The following ZDHHC13 variants were observed in gnomAD, a reference collection of about 807,000 sequenced individuals.
The protein encoded by ZDHHC13 is palmitoyltransferase ZDHHC13.
In ZDHHC13, 85 loss-of-function variants were observed where a neutral mutation model predicts 86.0. The observed-to-expected ratio is 0.99, with a 90% confidence interval of 0.83 to 1.18. The LOEUF is 1.18. ZDHHC13 is among the 50% of genes most tolerant of loss of function. The probability of loss-of-function intolerance (pLI) is 0.00; values close to 1 mark genes in which losing one functional copy is unlikely to be tolerated. For missense variants in ZDHHC13, 711 were observed against 730.2 expected, an observed-to-expected ratio of 0.97 and a Z score of 0.30; for synonymous variants, 263 against 246.4, an observed-to-expected ratio of 1.07 and a Z score of -0.63.
rs568311064 is a variant in ZDHHC13 at position 19,159,622 on chromosome 11, C to T, written c.1108+582C>T. Reference sequence around the variant, plus strand: ...CTTTTTAAAAAATTTTAATCATGGCCCATTTAATTCTTTCATGACTCACTA... The same window carrying T: ...CTTTTTAAAAAATTTTAATCATGGCTCATTTAATTCTTTCATGACTCACTA... On this transcript the variant is annotated intron_variant, in intron 10 of 16. Coordinates refer to ENST00000446113, the MANE Select transcript of ZDHHC13 (RefSeq NM_019028.3). 9.7e-4 allele frequency among the ~76,000 whole-genome samples: 148 copies of T among 151,948 alleles called. 1 individual carries two copies. The highest frequency in any genetic ancestry group is 3.2e-3 in the Admixed American group (49 of 15,260).
At chr11:19,124,318 A>G (rs1565017842) in intron 1 of ZDHHC13, among the ~76,000 whole-genome samples, 1 of 152,152 alleles carries the variant, frequency 6.6e-6, no homozygotes, top group African/African-American at 2.4e-5. Context: ...ATGTATGTAT[A>G]TAGCACAATA....
At chr11:19,124,863 C>A (rs769677874) in intron 1 of ZDHHC13, among the ~76,000 whole-genome samples, 3 of 152,100 alleles carry the variant, frequency 2.0e-5, no homozygotes, top group Non-Finnish European at 4.4e-5. Context: ...ACCACCAAAT[C>A]AGTAGCTGAT....
intron 1 of ZDHHC13, among the ~76,000 whole-genome samples, chr11:19,140,943 C>G (rs1157094106): frequency 6.6e-6 from 1 of 150,418 alleles, no homozygotes; most frequent in East Asian, 2.0e-4. Flanking sequence ...GGAGGGATAG[C>G]ATTGGGAGAT....
Position 19,133,942 on chromosome 11 carries a change from T to TAC in ZDHHC13, c.28-9033_28-9032dup, listed in dbSNP as rs559585845. 1.0e-3 allele frequency among the ~76,000 whole-genome samples: 99 copies of TAC among 96,048 alleles called. 6 individuals carry two copies. Among genetic ancestry groups the TAC allele is most frequent in the African/African-American group, 2.8e-3 (84 of 29,572 alleles). The allele number at this position is 96,048 out of a possible 152,430, so 63.0% of individuals were successfully genotyped here. On this transcript the variant is annotated intron_variant, in intron 1 of 16. Coordinates refer to ENST00000446113, the MANE Select transcript of ZDHHC13 (RefSeq NM_019028.3). ...GTCCATATATATATATATATATATA[T>TAC]ACACGTATGTGTTTTATATACTTCA...
At chr11:19,173,619 G>A (rs766904495) in intron 16 of ZDHHC13, among the ~76,000 whole-genome samples, 1 of 152,216 alleles carries the variant, frequency 6.6e-6, no homozygotes, top group Non-Finnish European at 1.5e-5. Context: ...GTGTATTTAG[G>A]AGAGGAGAGA....
intron 9 of ZDHHC13, 94 bp from the exon 10 acceptor site, chr11:19,158,846 G>A: frequency 1.3e-6 from 1 of 795,016 alleles, no homozygotes; most frequent in Admixed American, 3.1e-5. Flanking sequence ...GTTGCTGCTG[G>A]TATTATTATT....
chr11:19,160,800 TC>T (rs1565038383), intron 10 of ZDHHC13, among the ~76,000 whole-genome samples: 1 of 151,836 alleles, frequency 6.6e-6, no homozygotes. Flanking sequence ...TAAACCTATT[TC>T]TTGGATGAGT....
In ZDHHC13 at chr11:19,127,683, C is replaced by A. The variant is rs114315595; in HGVS notation, c.27+10407C>A. 9.4e-3 allele frequency among the ~76,000 whole-genome samples: 1,429 copies of A among 152,212 alleles called. 27 individuals carry two copies. Among genetic ancestry groups the A allele is most frequent in the African/African-American group, 0.033 (1,358 of 41,526 alleles). ...TTCTGCATATGACTAGCCAGTAATCCCAGCACCATTTATTGAATAAGGAGG... is the reference window on the plus strand; with the variant it reads ...TTCTGCATATGACTAGCCAGTAATCACAGCACCATTTATTGAATAAGGAGG... On this transcript the variant is annotated intron_variant, in intron 1 of 16. Transcript: ENST00000446113.
At chr11:19,124,358 G>A (rs1848825118) in intron 1 of ZDHHC13, among the ~76,000 whole-genome samples, 1 of 152,106 alleles carries the variant, frequency 6.6e-6, no homozygotes, top group East Asian at 1.9e-4. Context: ...TATACATAAT[G>A]AGGGAAGATG....
chr11:19,150,612 C>G, intron 5 of ZDHHC13, 115 bp from the exon 6 acceptor site: 1 of 824,046 alleles, frequency 1.2e-6, no homozygotes, highest in Non-Finnish European at 1.9e-6. Context: ...ATATTTGAGC[C>G]CTTTATGTAG....
At chr11:19,122,844 A>G (rs1261748272) in intron 1 of ZDHHC13, among the ~76,000 whole-genome samples, 2 of 152,270 alleles carry the variant, frequency 1.3e-5, no homozygotes, top group Non-Finnish European at 2.9e-5. Flanking sequence ...GTCACTGCAT[A>G]TATGGCTTTG....
At chr11:19,169,427 A>G (rs1454360509) in intron 14 of ZDHHC13, 1 of 985,454 alleles carries the variant, frequency 1.0e-6, no homozygotes, top group Non-Finnish European at 1.2e-6. Flanking sequence ...AGAGAAAAGA[A>G]AAGTAGATTT....
At chr11:19,155,765 T>C in intron 8 of ZDHHC13, 31 bp from the exon 9 acceptor site, 1 of 1,602,274 alleles carries the variant, frequency 6.2e-7, no homozygotes, top group Non-Finnish European at 8.5e-7. Context: ...GTAAAATCCA[T>C]AAAGTTCTAA....
intron 9 of ZDHHC13, among the ~76,000 whole-genome samples, chr11:19,158,594 T>C (rs536202873): frequency 3.3e-5 from 5 of 152,172 alleles, no homozygotes; most frequent in African/African-American, 1.2e-4. Context: ...TAAAAATATA[T>C]GCCAAAAAAG....
At chr11:19,128,969 A>T (rs1029185117) in intron 1 of ZDHHC13, among the ~76,000 whole-genome samples, 1 of 152,246 alleles carries the variant, frequency 6.6e-6, no homozygotes, top group African/African-American at 2.4e-5. Flanking sequence ...GTGTAAATAC[A>T]CATTGTGATG....
chr11:19,137,890 T>A (rs1335305032), intron 1 of ZDHHC13, among the ~76,000 whole-genome samples: 1 of 151,630 alleles, frequency 6.6e-6, no homozygotes, highest in Non-Finnish European at 1.5e-5. Flanking sequence ...CATACCAGAA[T>A]CTCTGGGACG....
At chr11:19,174,140 C>T (rs1365281527) in intron 16 of ZDHHC13, among the ~76,000 whole-genome samples, 1 of 152,130 alleles carries the variant, frequency 6.6e-6, no homozygotes, top group East Asian at 1.9e-4. Context: ...TCTGATAACC[C>T]AACAGGCAGG....
chr11:19,160,658 A>G (rs1565038284), intron 10 of ZDHHC13, among the ~76,000 whole-genome samples: 1 of 151,874 alleles, frequency 6.6e-6, no homozygotes, highest in Non-Finnish European at 1.5e-5. Flanking sequence ...TCAAATTTGT[A>G]GAATCAAAGT....
chr11:19,165,593 C>T (rs961861786), intron 13 of ZDHHC13, among the ~76,000 whole-genome samples: 1 of 152,142 alleles, frequency 6.6e-6, no homozygotes, highest in African/African-American at 2.4e-5. Flanking sequence ...GAGAAGGCAG[C>T]GTGTGCAAGA....
Sources: gnomAD v4.1 joint callset for allele counts (sites outside exome capture counted in the v4.1 genomes callset) on GRCh38, gnomAD v4.1.1 for gene constraint, MANE v1.5 for transcripts, NCBI Gene and HGNC (gene_info 2026-07-23, HGNC 2026-07-21) for gene names.